The following RUFY2 variants were observed in gnomAD, a reference collection of about 807,000 sequenced individuals.
The protein encoded by RUFY2 is RUN and FYVE domain-containing protein 2.
A neutral mutation model predicts 94.4 loss-of-function variants in RUFY2; 49 were observed. The ratio of observed to expected loss-of-function variants is 0.52; its 90% confidence interval spans 0.41 to 0.66. The LOEUF is 0.66. Ranked by LOEUF, RUFY2 falls within the 30% of genes least tolerant of loss-of-function variation. RUFY2 has a pLI of 0.00. For missense variants in RUFY2, 541 were observed against 692.8 expected (o/e 0.78, Z 2.46); for synonymous variants, 255 against 235.7 (o/e 1.08, Z -0.75).
intron 15 of RUFY2, 189 bp from the exon 16 acceptor site, chr10:68,355,590 T>G: frequency 2.2e-6 from 1 of 446,320 alleles, no homozygotes; most frequent in South Asian, 3.1e-5. Flanking sequence ...AGCAAAAATA[T>G]TTTAGATTTA....
rs2048715959 is a variant in RUFY2, at chr10:68,376,823, A to AAAATGAGGGG, written c.1325+29_1325+30insCCCCTCATTT. 2.5e-6 allele frequency: 4 copies of AAAATGAGGGG among 1,601,888 alleles called. No individual in the cohort carries two copies. The East Asian group carries it at 9.0e-5, about 36-fold the overall frequency. Reference sequence around the variant, plus strand: ...AAAATGAGGGGGTTATGTTAACACAAGTATTTGTTTCTGAGAGTGAAATAC... The same window carrying AAAATGAGGGG: ...AAAATGAGGGGGTTATGTTAACACAAAAATGAGGGGGTATTTGTTTCTGAGAGTGAAATAC... On this transcript the variant is annotated intron_variant, in intron 13 of 17. Coordinates refer to ENST00000602465, the MANE Select transcript of RUFY2 (RefSeq NM_001330103.2).
chr10:68,360,840 G>A (rs750359609), intron 15 of RUFY2, among the ~76,000 whole-genome samples: 4 of 152,040 alleles, frequency 2.6e-5, no homozygotes, highest in Non-Finnish European at 4.4e-5. Flanking sequence ...GGAGGTTGCA[G>A]TGAGCCAAGA....
In RUFY2 at chr10:68,384,078, A is replaced by C. The variant is rs554566982; in HGVS notation, c.795T>G (p.Ile265Met). 1.2e-6 allele frequency: 2 copies of C among 1,613,250 alleles called. No individual in the cohort carries two copies. ...CTAGGTGCTGCTGTGTTTTCATTAA[A>C]ATCAATTTATTTTCACTTCGTAATT... is the stretch of plus-strand genomic sequence containing the variant. Reference protein sequence around the residue: ...NHQLRSENKLILMKTQQHLEV... With the variant: ...NHQLRSENKLMLMKTQQHLEV... The change falls in exon 9 of 18, where the codon ATT (isoleucine) becomes ATG (methionine). Residue 265 changes from isoleucine to methionine, a missense_variant. Physicochemically the swap from Ile to Met is conservative, Grantham distance 10 (BLOSUM62 1). Transcript: ENST00000602465.
chr10:68,378,091 C>G (rs1251851639), intron 12 of RUFY2: 1 of 985,206 alleles, frequency 1.0e-6, no homozygotes, highest in African/African-American at 1.7e-5. Context: ...AAGGGAGAAC[C>G]GGAAAACTGA....
intron 7 of RUFY2, among the ~76,000 whole-genome samples, chr10:68,389,351 G>A (rs963336776): frequency 7.9e-5 from 12 of 152,280 alleles, no homozygotes; most frequent in Middle Eastern, 6.8e-3. Flanking sequence ...CCAGCACTTT[G>A]GGAGGCCGAG....
In RUFY2 at chr10:68,392,508, T is replaced by C. The variant is rs527451532; in HGVS notation, c.650+630A>G. Among the ~76,000 whole-genome samples the C allele has an allele frequency of 3.9e-5, 6 of 152,242 alleles. 1 individual carries two copies. The highest frequency in any genetic ancestry group is 1.4e-4 in the African/African-American group (6 of 41,546). ...CATTTACATATGAAGCCCTTTGAAG[T>C]AGGAAAAATGAATTTCTGAACCATC... On this transcript the variant is annotated intron_variant, in intron 7 of 17. Transcript: ENST00000602465.
Position 68,368,736 on chromosome 10 carries a change from GAAC to G in RUFY2, c.1326-4626_1326-4624del, listed in dbSNP as rs1410952995. On this transcript the variant is annotated intron_variant, in intron 13 of 17. Coordinates refer to ENST00000602465, the MANE Select transcript of RUFY2 (RefSeq NM_001330103.2). ...TCAGCTAGGAACTCCAGGAATCAAA[GAAC>G]AACATGGTGATGAGTTACCTCAGGT... 9.9e-5 allele frequency among the ~76,000 whole-genome samples: 15 copies of G among 152,130 alleles called. 1 individual carries two copies. The highest frequency in any genetic ancestry group is 2.9e-4 in the African/African-American group (12 of 41,420).
At chr10:68,378,633 T>C (rs904010081) in intron 12 of RUFY2, 3 of 1,613,082 alleles carry the variant, frequency 1.9e-6, no homozygotes, top group Non-Finnish European at 2.5e-6. Context: ...ACCAATGACA[T>C]TGCAATTGTC....
chr10:68,396,663 T>C, intron 4 of RUFY2, 117 bp downstream of exon 4: 1 of 604,054 alleles, frequency 1.7e-6, no homozygotes, highest in South Asian at 2.8e-5. Context: ...CCTCCTCTTA[T>C]TTTATATCAT....
intron 16 of RUFY2, among the ~76,000 whole-genome samples, chr10:68,350,749 T>C (rs1047308423): frequency 4.0e-5 from 6 of 151,886 alleles, no homozygotes; most frequent in Admixed American, 2.6e-4. Context: ...ATTTTGCTCT[T>C]GTTGCCAGGC....
chr10:68,402,839 C>CTT (rs68013041), intron 2 of RUFY2, among the ~76,000 whole-genome samples: 319 of 109,808 alleles, frequency 2.9e-3, no homozygotes, highest in Non-Finnish European at 3.8e-3. Flanking sequence ...CAAGCCATAT[C>CTT]TTTTTTTTTT....
At chr10:68,382,233 T>G (rs1184484551) in intron 10 of RUFY2, among the ~76,000 whole-genome samples, 2 of 150,472 alleles carry the variant, frequency 1.3e-5, no homozygotes, top group East Asian at 4.0e-4. Context: ...TTTTTTTGTA[T>G]TTTTAGTACA....
chr10:68,400,813 C>A (rs2050779138), intron 3 of RUFY2, among the ~76,000 whole-genome samples: 1 of 151,780 alleles, frequency 6.6e-6, no homozygotes, highest in South Asian at 2.1e-4. Flanking sequence ...GAGATCGAGA[C>A]CATTCTAGCT....
At chr10:68,375,457 C>T (rs889403770) in intron 13 of RUFY2, among the ~76,000 whole-genome samples, 1 of 151,564 alleles carries the variant, frequency 6.6e-6, no homozygotes, top group African/African-American at 2.4e-5. Context: ...ACCCCCAAAC[C>T]TAAAATAAAA....
intron 16 of RUFY2, among the ~76,000 whole-genome samples, chr10:68,353,038 A>C (rs566802394): frequency 3.9e-5 from 6 of 151,922 alleles, no homozygotes; most frequent in African/African-American, 1.4e-4. Context: ...CATAATAAAA[A>C]ATTCAGAATA....
At position 68,396,834 on chromosome 10, in the gene RUFY2, T is replaced by G. The variant is rs1268166003; in HGVS notation, c.344A>C (p.Gln115Pro). 1 of 1,613,966 alleles carries G rather than the reference T, an allele frequency of 6.2e-7. No homozygotes were observed. Among genetic ancestry groups the G allele is most frequent in the Non-Finnish European group, 8.5e-7 (1 of 1,179,952 alleles). Reference sequence around the variant, plus strand: ...ACGTAAGTAATCGGCCATTTTTTTTTGCATGAGGGCTAATCGAAGCCACGC... The same window carrying G: ...ACGTAAGTAATCGGCCATTTTTTTTGGCATGAGGGCTAATCGAAGCCACGC... ...ARAWLRLALMQKKMADYLRCL... is the reference protein window; with the variant it reads ...ARAWLRLALMPKKMADYLRCL... The change falls in exon 4 of 18, where the codon CAA (glutamine) becomes CCA (proline). Residue 115 changes from glutamine (Q) to proline (P), a missense_variant. By Grantham distance (76) the Gln-to-Pro change is moderately conservative (BLOSUM62 -1). Around this residue, in one of 3 missense-constraint regions of RUFY2, gnomAD observed 85 missense variants for 153.4 expected, o/e 0.55. Coordinates refer to ENST00000602465, the MANE Select transcript of RUFY2 (RefSeq NM_001330103.2).
intron 4 of RUFY2, among the ~76,000 whole-genome samples, chr10:68,394,746 C>T (rs1356001141): frequency 2.6e-5 from 4 of 151,710 alleles, no homozygotes; most frequent in African/African-American, 9.7e-5. Context: ...TTTCCTGCCT[C>T]AGCCTCCTGA....
chr10:68,407,160 G>A, intron 1 of RUFY2, 26 bp downstream of exon 1: 1 of 1,480,296 alleles, frequency 6.8e-7, no homozygotes, highest in Non-Finnish European at 8.9e-7. Flanking sequence ...AGGGCCTAGC[G>A]TTCGGTTTCG....
chr10:68,379,270 A>C (rs1490687041), intron 12 of RUFY2, 154 bp downstream of exon 12: 2 of 563,920 alleles, frequency 3.5e-6, no homozygotes, highest in Admixed American at 3.7e-5. Context: ...TCCATGCAAC[A>C]ACCAAAGCAA....
Sources: gnomAD v4.1 joint callset for allele counts (sites outside exome capture counted in the v4.1 genomes callset) on GRCh38, gnomAD v4.1.1 for gene constraint, gnomAD v4.1.1 regional missense constraint, MANE v1.5 for transcripts, NCBI Gene and HGNC (gene_info 2026-07-23, HGNC 2026-07-21) for gene names.